Variants in DIS3L2 observed in about 807,000 individuals in gnomAD.
DIS3L2 encodes DIS3 like 3'-5' exoribonuclease 2.
In DIS3L2, 34 loss-of-function variants were observed where a neutral mutation model predicts 97.5. That is an observed-to-expected ratio of 0.35 (90% CI 0.27 to 0.46). DIS3L2 has a LOEUF of 0.46. Among genes scored for constraint, DIS3L2 ranks in the 20% least tolerant of loss-of-function variants. The pLI is 1.00. For missense variants in DIS3L2, 1,038 were observed against 1,146.0 expected, an observed-to-expected ratio of 0.91 and a Z score of 1.36; for synonymous variants, 435 against 445.2, an observed-to-expected ratio of 0.98 and a Z score of 0.29.
chr2:232,108,948 G>A (rs1697439556), intron 6 of DIS3L2, among the ~76,000 whole-genome samples: 1 of 152,298 alleles, frequency 6.6e-6, no homozygotes, highest in Non-Finnish European at 1.5e-5. Context: ...CTCATGGATT[G>A]GAAGAATCAA....
At chr2:232,004,183 A>AT (rs1251095686) in intron 1 of DIS3L2, among the ~76,000 whole-genome samples, 1 of 151,590 alleles carries the variant, frequency 6.6e-6, no homozygotes, top group Non-Finnish European at 1.5e-5. Flanking sequence ...AGCAATTCTC[A>AT]TGCCTCACCC....
At chr2:232,322,468 C>T (rs1695462075) in intron 14 of DIS3L2, among the ~76,000 whole-genome samples, 1 of 152,250 alleles carries the variant, frequency 6.6e-6, no homozygotes, top group Non-Finnish European at 1.5e-5. Flanking sequence ...CTTAGGACCA[C>T]AGTCCCCTCC....
At chr2:232,022,937 C>T (rs1323986946) in intron 3 of DIS3L2, 1 of 152,218 alleles carries the variant, frequency 6.6e-6, no homozygotes, top group Non-Finnish European at 1.5e-5. Flanking sequence ...ATCTCCTGGT[C>T]CCTCCCTCTT....
At chr2:232,046,280 G>A (rs1237647041) in intron 5 of DIS3L2, among the ~76,000 whole-genome samples, 1 of 152,090 alleles carries the variant, frequency 6.6e-6, no homozygotes, top group African/African-American at 2.4e-5. Flanking sequence ...GTTGGGTGTG[G>A]TTTTCCTTTT....
downstream of DIS3L2, chr2:232,340,889 C>T (rs760189477): frequency 2.1e-6 from 1 of 471,106 alleles, no homozygotes; most frequent in Admixed American, 2.3e-5. Flanking sequence ...AGGAAAACTT[C>T]ATGAAACAAA....
intron 5 of DIS3L2, among the ~76,000 whole-genome samples, chr2:232,066,580 C>T (rs983580107): frequency 6.6e-6 from 1 of 151,914 alleles, no homozygotes; most frequent in Non-Finnish European, 1.5e-5. Context: ...ATACTGGTCT[C>T]ATAAAGTGAG....
intron 9 of DIS3L2, among the ~76,000 whole-genome samples, chr2:232,195,054 C>T (rs1251558182): frequency 6.6e-6 from 1 of 152,138 alleles, no homozygotes; most frequent in African/African-American, 2.4e-5. Flanking sequence ...AACTATAGAA[C>T]AAGCTCTGAA....
At chr2:232,254,816 A>G (rs1173944473) in intron 12 of DIS3L2, among the ~76,000 whole-genome samples, 1 of 152,204 alleles carries the variant, frequency 6.6e-6, no homozygotes, top group Non-Finnish European at 1.5e-5. Context: ...TGAAGTAGGC[A>G]CAGGATCCAG....
chr2:232,015,372 G>T (rs981682006), intron 2 of DIS3L2, 142 bp from the exon 3 acceptor site: 77 of 1,138,530 alleles, frequency 6.8e-5, no homozygotes, highest in Non-Finnish European at 9.2e-5. Context: ...TTTCCTTTTT[G>T]TTATTGTTAA....
chr2:232,154,811 GC>G (rs1559682631), intron 8 of DIS3L2, among the ~76,000 whole-genome samples: 1 of 131,196 alleles, frequency 7.6e-6, no homozygotes, highest in Non-Finnish European at 1.6e-5. Context: ...CCTCGTTGCC[GC>G]CTTGCAGTTT....
chr2:231,973,394 C>T (rs895760366), intron 1 of DIS3L2, among the ~76,000 whole-genome samples: 2 of 152,008 alleles, frequency 1.3e-5, no homozygotes, highest in Non-Finnish European at 2.9e-5. Flanking sequence ...CTGTGATTCA[C>T]CCAGAACTTA....
chr2:232,106,040 A>T (rs186601367), intron 6 of DIS3L2, among the ~76,000 whole-genome samples: 77 of 151,636 alleles, frequency 5.1e-4, no homozygotes, highest in African/African-American at 1.7e-3. Context: ...TTTTTTCCTT[A>T]CTTCCTTTTC....
At chr2:231,990,180 T>A (rs1424761220) in intron 1 of DIS3L2, among the ~76,000 whole-genome samples, 1 of 112,548 alleles carries the variant, frequency 8.9e-6, no homozygotes, top group Non-Finnish European at 2.2e-5. Context: ...AGGTTTTGAT[T>A]TTTTTTTTTT....
At chr2:232,329,789 T>TGGGC in intron 14 of DIS3L2, 24 bp from the exon 15 acceptor site, 2 of 368,618 alleles carry the variant, frequency 5.4e-6, no homozygotes, top group Non-Finnish European at 1.0e-5. Context: ...CAGCGGTCCC[T>TGGGC]CCCATCCCAC....
chr2:232,316,526 G>A (rs1695281008), intron 14 of DIS3L2, among the ~76,000 whole-genome samples: 2 of 152,162 alleles, frequency 1.3e-5, no homozygotes, highest in African/African-American at 4.8e-5. Context: ...GCTTTGTGGG[G>A]AGCGTGGAAT....
chr2:232,083,562 T>G (rs890129517), intron 5 of DIS3L2, among the ~76,000 whole-genome samples: 4 of 151,416 alleles, frequency 2.6e-5, no homozygotes, highest in Admixed American at 2.6e-4. Context: ...TGGCATGATC[T>G]CAGCTCACTG....
chr2:232,188,192 A>G (rs1158191995), intron 9 of DIS3L2, among the ~76,000 whole-genome samples: 3 of 152,206 alleles, frequency 2.0e-5, no homozygotes, highest in African/African-American at 4.8e-5. Flanking sequence ...TGTTGAATGT[A>G]TAAACAAAGT....
At chr2:232,090,210 C>T (rs1405825672) in intron 6 of DIS3L2, among the ~76,000 whole-genome samples, 2 of 152,172 alleles carry the variant, frequency 1.3e-5, no homozygotes, top group Non-Finnish European at 2.9e-5. Flanking sequence ...GCTGGGATTA[C>T]AGGTGTGAGC....
At chr2:232,001,649 T>G (rs1693912067) in intron 1 of DIS3L2, among the ~76,000 whole-genome samples, 1 of 148,728 alleles carries the variant, frequency 6.7e-6, no homozygotes, top group Admixed American at 6.7e-5. Context: ...GTCATGGAAC[T>G]TTATTTAACT....
Sources: gnomAD v4.1 joint callset for allele counts (sites outside exome capture counted in the v4.1 genomes callset) on GRCh38, gnomAD v4.1.1 for gene constraint, MANE v1.5 for transcripts, NCBI Gene and HGNC (gene_info 2026-07-23, HGNC 2026-07-21) for gene names.